THSD7B: variants seen among roughly 807,000 people sequenced by gnomAD.
THSD7B encodes the protein thrombospondin type 1 domain containing 7B, also known as thrombospondin type-1 domain-containing protein 7B.
A neutral mutation model predicts 213.6 loss-of-function variants in THSD7B; 138 were observed. The ratio of observed to expected loss-of-function variants is 0.65; its 90% CI spans 0.56 to 0.74. The LOEUF (loss-of-function observed/expected upper bound fraction) is 0.74. Ranked by LOEUF, THSD7B falls within the 30% of genes least tolerant of loss-of-function variation. The pLI is 0.00. For missense variants in THSD7B, 1,931 were observed against 1,991.5 expected, an observed-to-expected ratio of 0.97 and a Z score of 0.58; for synonymous variants, 742 against 687.0, an observed-to-expected ratio of 1.08 and a Z score of -1.25.
At chr2:137,544,920 T>C (rs1375902664) in intron 15 of THSD7B, among the ~76,000 whole-genome samples, 1 of 151,842 alleles carries the variant, frequency 6.6e-6, no homozygotes, top group Non-Finnish European at 1.5e-5. Context: ...GTGGTATTTT[T>C]GGAATGACAG....
At position 137,451,008 on chromosome 2, in the gene THSD7B, G is replaced by T. The variant is rs538582414; in HGVS notation, c.3123G>T (p.Leu1041=). 10 of 1,596,364 alleles carry T rather than the reference G, an allele frequency of 6.3e-6. No individual in the cohort carries two copies. The highest frequency in any genetic ancestry group is 8.5e-6 in the Non-Finnish European group (10 of 1,171,562). The change falls in exon 15 of 28, where the codon CTG becomes CTT. Residue 1041 remains leucine (L), a synonymous_variant. Coordinates refer to ENST00000409968, the MANE Select transcript of THSD7B (RefSeq NM_001316349.2). The part of the protein sequence containing the change: ...PYNGGRPCPK[L]DLKNQVHEAV... ...ATGGAGGACGACCATGTCCCAAACT[G>T]GATCTCAAGAATCAGGTAAAGTGCA...
chr2:137,544,722 TTATA>T (rs1420536212), intron 15 of THSD7B, among the ~76,000 whole-genome samples: 1 of 151,862 alleles, frequency 6.6e-6, no homozygotes, highest in African/African-American at 2.4e-5. Flanking sequence ...TAGTCTACCT[TTATA>T]TAGTGATTTA....
chr2:137,328,057 AC>A (rs1455086518), intron 12 of THSD7B, among the ~76,000 whole-genome samples: 2 of 152,230 alleles, frequency 1.3e-5, no homozygotes, highest in Non-Finnish European at 2.9e-5. Flanking sequence ...TCAGATTTTT[AC>A]AAGTAATTGG....
intron 1 of THSD7B, among the ~76,000 whole-genome samples, chr2:136,861,062 T>C (rs1393939182): frequency 6.6e-6 from 1 of 152,262 alleles, no homozygotes; most frequent in Non-Finnish European, 1.5e-5. Context: ...CAGTACTTGG[T>C]ATGTAGTAGG....
chr2:137,333,749 A>C (rs1411120364), intron 12 of THSD7B, among the ~76,000 whole-genome samples: 1 of 152,196 alleles, frequency 6.6e-6, no homozygotes, highest in African/African-American at 2.4e-5. Context: ...TTTGTACTTT[A>C]TATAACTGCT....
At chr2:137,170,346 A>ACC (rs1680221618) in intron 6 of THSD7B, among the ~76,000 whole-genome samples, 1 of 152,176 alleles carries the variant, frequency 6.6e-6, no homozygotes, top group Non-Finnish European at 1.5e-5. Flanking sequence ...ATGTATTTTA[A>ACC]CCGAATGCAG....
At chr2:136,777,521 T>C (rs1436087590) in intron 1 of THSD7B, among the ~76,000 whole-genome samples, 2 of 152,106 alleles carry the variant, frequency 1.3e-5, no homozygotes, top group East Asian at 3.9e-4. Flanking sequence ...CCAAAAGACA[T>C]TTTCCAGTCT....
At chr2:137,370,622 C>T (rs1685519790) in intron 12 of THSD7B, among the ~76,000 whole-genome samples, 1 of 152,112 alleles carries the variant, frequency 6.6e-6, no homozygotes. Context: ...GCATACACAA[C>T]CATGCTTGGC....
chr2:137,380,920 G>A (rs1169901585), intron 12 of THSD7B, among the ~76,000 whole-genome samples: 1 of 152,210 alleles, frequency 6.6e-6, no homozygotes, highest in African/African-American at 2.4e-5. Flanking sequence ...TGCTAACACT[G>A]TACATATGGC....
At chr2:137,058,642 A>C (rs962890734) in intron 3 of THSD7B, among the ~76,000 whole-genome samples, 1 of 152,198 alleles carries the variant, frequency 6.6e-6, no homozygotes, top group Non-Finnish European at 1.5e-5. Flanking sequence ...TGCATAACAC[A>C]GTTCAAATTG....
chr2:137,277,275 C>T (rs954700067), intron 12 of THSD7B, among the ~76,000 whole-genome samples: 3 of 151,930 alleles, frequency 2.0e-5, no homozygotes, highest in African/African-American at 7.2e-5. Context: ...CAAGATATTT[C>T]ATATTTTCTA....
intron 2 of THSD7B, among the ~76,000 whole-genome samples, chr2:136,939,673 G>A (rs1280075962): frequency 1.3e-5 from 2 of 152,140 alleles, no homozygotes; most frequent in Non-Finnish European, 2.9e-5. Context: ...CTGAACCATG[G>A]TGTGCACATC....
chr2:137,563,046 A>G (rs1050896236), intron 15 of THSD7B, among the ~76,000 whole-genome samples, 175 bp from the exon 16 acceptor site: 1 of 152,130 alleles, frequency 6.6e-6, no homozygotes, highest in African/African-American at 2.4e-5. Flanking sequence ...TCTTTAGGCA[A>G]GTCAGTAAAT....
chr2:136,912,219 G>T (rs1237313223), intron 2 of THSD7B, among the ~76,000 whole-genome samples: 1 of 151,622 alleles, frequency 6.6e-6, no homozygotes, highest in Non-Finnish European at 1.5e-5. Flanking sequence ...CTAGTCATGA[G>T]GCTGAGGCAG....
At chr2:137,332,020 G>A (rs918304845) in intron 12 of THSD7B, among the ~76,000 whole-genome samples, 13 of 152,162 alleles carry the variant, frequency 8.5e-5, no homozygotes, top group Non-Finnish European at 1.9e-4. Flanking sequence ...TGAGGGAGCC[G>A]GCTCCGGCCT....
intron 12 of THSD7B, among the ~76,000 whole-genome samples, chr2:137,297,612 A>G (rs1205004027): frequency 6.6e-6 from 1 of 152,068 alleles, no homozygotes; most frequent in Admixed American, 6.5e-5. Flanking sequence ...CCCCACCCAA[A>G]TCTCAACTTG....
intron 12 of THSD7B, among the ~76,000 whole-genome samples, chr2:137,333,917 A>G (rs987187274): frequency 1.3e-5 from 2 of 152,174 alleles, no homozygotes; most frequent in Non-Finnish European, 2.9e-5. Context: ...GATATGACTT[A>G]TTGTCTAATA....
At chr2:137,434,071 GT>G (rs1272111850) in intron 14 of THSD7B, among the ~76,000 whole-genome samples, 4 of 152,106 alleles carry the variant, frequency 2.6e-5, no homozygotes, top group Admixed American at 6.5e-5. Flanking sequence ...CTTTATCCAA[GT>G]TGTTAATCAA....
At chr2:137,294,583 C>CAAAAAAAAAAAAAAAAAAAA (rs1210363889) in intron 12 of THSD7B, among the ~76,000 whole-genome samples, 17 of 73,224 alleles carry the variant, frequency 2.3e-4, no homozygotes, top group African/African-American at 6.4e-4. Context: ...AACTCCATCT[C>CAAAAAAAAAAAAAAAAAAAA]AAAAAAAAAA....
Sources: allele counts gnomAD v4.1 joint callset (sites outside exome capture counted in the v4.1 genomes callset), GRCh38; gene constraint gnomAD v4.1.1; transcripts MANE v1.5; gene names NCBI Gene and HGNC (gene_info 2026-07-23, HGNC 2026-07-21).